CEP128: variants seen among roughly 807,000 people sequenced by gnomAD.
CEP128 encodes centrosomal protein 128kDa.
In CEP128, 132 loss-of-function variants were observed where a neutral mutation model predicts 156.7. That is an observed-to-expected ratio of 0.84 (90% CI 0.73 to 0.97). The LOEUF (loss-of-function observed/expected upper bound fraction) is 0.97. CEP128 is among the 50% of genes least tolerant of loss of function. The probability of loss-of-function intolerance (pLI) is 0.00; values close to 1 mark genes in which losing one functional copy is unlikely to be tolerated. For synonymous variants in CEP128, 469 were observed against 448.9 expected, an observed-to-expected ratio of 1.04 and a Z score of -0.57; for missense variants, 1,252 against 1,281.9, an observed-to-expected ratio of 0.98 and a Z score of 0.36.
Position 80,904,799 on chromosome 14 carries a change from A to G in CEP128, c.480+14T>C. On this transcript the variant is annotated intron_variant, in intron 6 of 24. Coordinates refer to ENST00000555265, the MANE Select transcript of CEP128 (RefSeq NM_152446.5). ...GGAAATACTGCACACAAATTACAGA[A>G]TGGTACAAAGTACCTGAGTCATATC... is the stretch of plus-strand genomic sequence containing the variant. 1 of 1,326,852 alleles carries G rather than the reference A, an allele frequency of 7.5e-7. No homozygotes were observed. The highest frequency in any genetic ancestry group is 1.1e-6 in the Non-Finnish European group (1 of 918,054). The allele number at this position is 1,326,852 out of a possible 1,614,324, so 82.2% of individuals were successfully genotyped here. A position where few individuals can be genotyped will look rare whatever the true frequency, so the allele number is the denominator to read the frequency against.
chr14:80,708,752 T>C (rs184926759), intron 19 of CEP128, among the ~76,000 whole-genome samples: 408 of 152,332 alleles, frequency 2.7e-3, no homozygotes, highest in Non-Finnish European at 4.5e-3. Context: ...TAAAAGCATT[T>C]GCTTCCTATA....
intron 19 of CEP128, among the ~76,000 whole-genome samples, chr14:80,695,643 G>A (rs1333129015): frequency 2.0e-5 from 3 of 151,314 alleles, no homozygotes; most frequent in African/African-American, 2.4e-5. Context: ...CTTGAACCCG[G>A]GAGGCAGAGG....
At chr14:80,919,344 C>A (rs944307638) in intron 2 of CEP128, among the ~76,000 whole-genome samples, 32 of 152,096 alleles carry the variant, frequency 2.1e-4, no homozygotes, top group Non-Finnish European at 5.9e-5. Flanking sequence ...CAAAATAGTA[C>A]AGACTAATAA....
At chr14:80,806,716 C>G (rs922229944) in intron 13 of CEP128, among the ~76,000 whole-genome samples, 2 of 152,022 alleles carry the variant, frequency 1.3e-5, no homozygotes, top group Admixed American at 1.3e-4. Context: ...TAGGCCAAAG[C>G]AAGTATCAAT....
chr14:80,759,434 C>G lies in CEP128; in HGVS notation c.2553+2003G>C, dbSNP rs140475646. On this transcript the variant is annotated intron_variant, in intron 17 of 24. Transcript: ENST00000555265. Reference sequence around the variant, plus strand: ...ATTTTACATGATTCTTCCACACTCTCTCAGAACTATAAACTACAAAACAAA... The same window carrying G: ...ATTTTACATGATTCTTCCACACTCTGTCAGAACTATAAACTACAAAACAAA... Among the ~76,000 whole-genome samples, 33 of 152,284 alleles carry G rather than the reference C, an allele frequency of 2.2e-4. 1 individual carries two copies. The highest frequency in any genetic ancestry group is 1.4e-3 in the Admixed American group (22 of 15,304).
chr14:80,695,753 A>G (rs1447785407), intron 19 of CEP128, among the ~76,000 whole-genome samples: 1 of 152,026 alleles, frequency 6.6e-6, no homozygotes, highest in Non-Finnish European at 1.5e-5. Context: ...TGTTCAGGTA[A>G]TATCAAGTAG....
At chr14:80,744,486 A>T (rs1478823870) in intron 18 of CEP128, among the ~76,000 whole-genome samples, 1 of 151,648 alleles carries the variant, frequency 6.6e-6, no homozygotes, top group Non-Finnish European at 1.5e-5. Context: ...AGTGCTAAAA[A>T]TATTGTTTTT....
intron 19 of CEP128, among the ~76,000 whole-genome samples, chr14:80,697,396 C>G (rs1896926560): frequency 6.6e-6 from 1 of 152,082 alleles, no homozygotes. Flanking sequence ...ATATATCTAA[C>G]AGTCATTCAA....
At chr14:80,629,974 T>G (rs992569565) in intron 19 of CEP128, among the ~76,000 whole-genome samples, 3 of 152,002 alleles carry the variant, frequency 2.0e-5, no homozygotes, top group African/African-American at 7.2e-5. Context: ...GATGAATTCA[T>G]GTAGCTTGTA....
intron 8 of CEP128, among the ~76,000 whole-genome samples, chr14:80,891,585 C>CA (rs34380899): frequency 0.055 from 5,345 of 96,948 alleles, 152 homozygotes; most frequent in Non-Finnish European, 0.088. Context: ...TTACTAGGTG[C>CA]AAAAAAAAAA....
At chr14:80,854,585 C>G (rs1412164149) in intron 9 of CEP128, among the ~76,000 whole-genome samples, 1 of 151,738 alleles carries the variant, frequency 6.6e-6, no homozygotes, top group Non-Finnish European at 1.5e-5. Context: ...GATGAAAGAA[C>G]AGAGTTGGAA....
intron 2 of CEP128, among the ~76,000 whole-genome samples, chr14:80,954,397 C>G (rs1188295239): frequency 6.6e-6 from 1 of 152,090 alleles, no homozygotes; most frequent in East Asian, 1.9e-4. Context: ...TCGCGAGACA[C>G]TTGGTTCGTT....
chr14:80,741,131 G>C (rs1417984898), intron 19 of CEP128, among the ~76,000 whole-genome samples: 1 of 134,536 alleles, frequency 7.4e-6, no homozygotes, highest in Non-Finnish European at 1.7e-5. Flanking sequence ...GTTTAAAAAA[G>C]AGTCACTATT....
intron 9 of CEP128, among the ~76,000 whole-genome samples, chr14:80,852,500 GAGAA>G (rs1196257082): frequency 9.2e-5 from 14 of 151,766 alleles, no homozygotes; most frequent in African/African-American, 3.1e-4. Flanking sequence ...TTTAAATGAA[GAGAA>G]AGAGAGAGTA....
intron 19 of CEP128, among the ~76,000 whole-genome samples, chr14:80,683,555 G>C (rs35731915): frequency 0.16 from 24,187 of 152,072 alleles, 2,361 homozygotes; most frequent in East Asian, 0.43. Context: ...GACAGCATTA[G>C]ACAGATCATC....
At chr14:80,552,977 AG>A (rs1166946599) in intron 21 of CEP128, among the ~76,000 whole-genome samples, 1 of 151,864 alleles carries the variant, frequency 6.6e-6, no homozygotes, top group Non-Finnish European at 1.5e-5. Context: ...TTTTCTCTTC[AG>A]AAATCTCCTT....
intron 19 of CEP128, among the ~76,000 whole-genome samples, chr14:80,733,913 G>A (rs1411820892): frequency 6.6e-6 from 1 of 152,164 alleles, no homozygotes; most frequent in Non-Finnish European, 1.5e-5. Flanking sequence ...CAGTCTGTTA[G>A]AGGACATAGA....
At chr14:80,693,209 T>C (rs1328299868) in intron 19 of CEP128, among the ~76,000 whole-genome samples, 1 of 152,152 alleles carries the variant, frequency 6.6e-6, no homozygotes, top group Non-Finnish European at 1.5e-5. Context: ...AGACAATATC[T>C]AGAGGATATT....
chr14:80,625,946 C>T (rs1237827521), intron 19 of CEP128, among the ~76,000 whole-genome samples: 3 of 151,980 alleles, frequency 2.0e-5, no homozygotes, highest in African/African-American at 4.8e-5. Flanking sequence ...ATGCCAATAT[C>T]AAGTGAGCCT....
Sources: gnomAD v4.1 joint callset for allele counts (sites outside exome capture counted in the v4.1 genomes callset) on GRCh38, gnomAD v4.1.1 for gene constraint, MANE v1.5 for transcripts, NCBI Gene and HGNC (gene_info 2026-07-23, HGNC 2026-07-21) for gene names.